The following PTPRD variants were observed in gnomAD, a reference collection of about 807,000 sequenced individuals.
The protein encoded by PTPRD is receptor-type tyrosine-protein phosphatase delta.
PTPRD carries 34 observed loss-of-function variants against 214.5 expected under a neutral mutation model. That is an observed-to-expected ratio of 0.16 (90% CI 0.12 to 0.21). PTPRD has a LOEUF of 0.21. Among genes scored for constraint, PTPRD ranks in the 10% least tolerant of loss-of-function variants. The pLI is 1.00. For missense variants in PTPRD, 2,545 were observed against 2,398.7 expected (o/e 1.06, Z -1.27); for synonymous variants, 1,128 against 845.7 (o/e 1.33, Z -5.79).
At chr9:9,682,220 A>C (rs916677822) in intron 7 of PTPRD, among the ~76,000 whole-genome samples, 19 of 151,906 alleles carry the variant, frequency 1.3e-4, no homozygotes, top group Admixed American at 6.6e-4. Context: ...GCAACACTGC[A>C]AAGAAGACAG....
intron 21 of PTPRD, among the ~76,000 whole-genome samples, chr9:8,508,867 G>A (rs946088967): frequency 8.1e-5 from 12 of 148,390 alleles, no homozygotes; most frequent in African/African-American, 1.5e-4. Flanking sequence ...GTCAGCCTGT[G>A]TATATATATG....
At chr9:8,573,480 T>C (rs1377873647) in intron 14 of PTPRD, among the ~76,000 whole-genome samples, 1 of 151,950 alleles carries the variant, frequency 6.6e-6, no homozygotes, top group African/African-American at 2.4e-5. Flanking sequence ...GAAGATACTC[T>C]TCACAAGTCA....
chr9:9,757,470 T>C (rs149424588), intron 6 of PTPRD, among the ~76,000 whole-genome samples: 55 of 152,288 alleles, frequency 3.6e-4, no homozygotes, highest in African/African-American at 1.3e-3. Flanking sequence ...ATTTTCAGTA[T>C]CATTTTTGTT....
chr9:9,318,285 A>G (rs1216119435), intron 9 of PTPRD, among the ~76,000 whole-genome samples: 11 of 151,892 alleles, frequency 7.2e-5, no homozygotes, highest in Non-Finnish European at 1.0e-4. Context: ...CAAGTTTGCC[A>G]CAATTAAAAT....
intron 34 of PTPRD, among the ~76,000 whole-genome samples, chr9:8,448,515 G>A (rs75352511): frequency 0.01 from 1,536 of 152,236 alleles, 29 homozygotes; most frequent in African/African-American, 0.035. Flanking sequence ...AGAGGGCTAC[G>A]ACCTATCCTG....
intron 12 of PTPRD, among the ~76,000 whole-genome samples, chr9:8,660,120 G>A (rs1465084192): frequency 6.6e-6 from 1 of 152,088 alleles, no homozygotes; most frequent in Non-Finnish European, 1.5e-5. Context: ...TTCCCAAAAA[G>A]CAAACATACC....
chr9:8,544,788 T>C (rs1282862160), intron 14 of PTPRD, among the ~76,000 whole-genome samples: 1 of 151,800 alleles, frequency 6.6e-6, no homozygotes, highest in African/African-American at 2.4e-5. Context: ...CTTTCAATGG[T>C]AAAACAGCGG....
intron 10 of PTPRD, among the ~76,000 whole-genome samples, chr9:9,131,860 T>C (rs1053982181): frequency 6.6e-6 from 1 of 152,126 alleles, no homozygotes; most frequent in African/African-American, 2.4e-5. Flanking sequence ...CATTAAAATT[T>C]TTAAAATTTG....
At chr9:9,732,842 T>C (rs2098222644) in intron 7 of PTPRD, among the ~76,000 whole-genome samples, 1 of 151,932 alleles carries the variant, frequency 6.6e-6, no homozygotes, top group African/African-American at 2.4e-5. Flanking sequence ...TCAGCGATTC[T>C]GGAGGCTGAG....
intron 2 of PTPRD, among the ~76,000 whole-genome samples, chr9:10,373,218 G>A (rs2097665351): frequency 6.6e-6 from 1 of 151,316 alleles, no homozygotes. Context: ...GGTTAAAAGT[G>A]AGGTTAATCT....
intron 14 of PTPRD, among the ~76,000 whole-genome samples, chr9:8,568,778 C>T (rs2090206240): frequency 6.6e-6 from 1 of 151,680 alleles, no homozygotes; most frequent in African/African-American, 2.4e-5. Context: ...TAACAGTCTC[C>T]ATTTTCTACA....
At chr9:9,680,787 T>A (rs112687277) in intron 7 of PTPRD, among the ~76,000 whole-genome samples, 1 of 150,220 alleles carries the variant, frequency 6.7e-6, no homozygotes, top group Non-Finnish European at 1.5e-5. Flanking sequence ...AAAAAAAAAA[T>A]TGCTGCTTGA....
At chr9:8,803,914 T>C (rs1242579787) in intron 11 of PTPRD, among the ~76,000 whole-genome samples, 2 of 152,046 alleles carry the variant, frequency 1.3e-5, no homozygotes, top group South Asian at 2.1e-4. Context: ...TCTTTTAATA[T>C]CTACTGGATT....
At chr9:8,889,770 G>C (rs570345897) in intron 11 of PTPRD, among the ~76,000 whole-genome samples, 31 of 152,278 alleles carry the variant, frequency 2.0e-4, no homozygotes, top group Middle Eastern at 3.4e-3. Context: ...ACTCAATCCA[G>C]GTTGCGTGAA....
chr9:9,451,701 C>A (rs1450492164), intron 8 of PTPRD, among the ~76,000 whole-genome samples: 2 of 151,020 alleles, frequency 1.3e-5, no homozygotes, highest in African/African-American at 2.4e-5. Context: ...TCAAAAAAAC[C>A]CTTAAAATAT....
intron 35 of PTPRD, among the ~76,000 whole-genome samples, chr9:8,431,878 G>C (rs1590236423): frequency 6.6e-6 from 1 of 152,130 alleles, no homozygotes. Flanking sequence ...TTTTTCTATT[G>C]TTTGTAATAG....
At chr9:8,338,865 G>GAGAGAGAGAGAGAGAGAGAGAGA in intron 43 of PTPRD, 57 bp downstream of exon 43, 2 of 1,505,916 alleles carry the variant, frequency 1.3e-6, no homozygotes, top group Non-Finnish European at 9.0e-7. Flanking sequence ...GAGAGAGAGA[G>GAGAGAGAGAGAGAGAGAGAGAGA]GTATCTTAGA....
intron 2 of PTPRD, among the ~76,000 whole-genome samples, chr9:10,411,037 C>T (rs2098429464): frequency 6.6e-6 from 1 of 151,732 alleles, no homozygotes; most frequent in Non-Finnish European, 1.5e-5. Flanking sequence ...CGGAGCCTGG[C>T]ACATGCTAAG....
chr9:8,591,329 A>C (rs1376035199), intron 14 of PTPRD, among the ~76,000 whole-genome samples: 1 of 152,186 alleles, frequency 6.6e-6, no homozygotes, highest in Non-Finnish European at 1.5e-5. Context: ...TCTACCCACA[A>C]CCAAGAATAA....
Sources: gnomAD v4.1 joint callset for allele counts (sites outside exome capture counted in the v4.1 genomes callset) on GRCh38, gnomAD v4.1.1 for gene constraint, MANE v1.5 for transcripts, NCBI Gene and HGNC (gene_info 2026-07-23, HGNC 2026-07-21) for gene names.